Variants in TCF20 observed in about 807,000 individuals in gnomAD.
The protein encoded by TCF20 is transcription factor 20, also known as SPRE-binding protein.
In TCF20, 3 loss-of-function variants were observed where a neutral mutation model predicts 148.6. That is an observed-to-expected ratio of 0.02 (90% CI 0.01 to 0.05). TCF20 has a LOEUF of 0.05. Ranked by LOEUF, TCF20 falls within the 10% of genes least tolerant of loss-of-function variation. The probability of loss-of-function intolerance (pLI) is 1.00; values close to 1 mark genes in which losing one functional copy is unlikely to be tolerated. For synonymous variants in TCF20, 1,049 were observed against 909.5 expected (o/e 1.15, Z -2.76); for missense variants, 2,350 against 2,429.3 (o/e 0.97, Z 0.69).
chr22:42,277,039 A>G (rs1353691570), intron 1 of TCF20: 1 of 152,178 alleles, frequency 6.6e-6, no homozygotes, highest in Non-Finnish European at 1.5e-5. Context: ...CTGGAATACA[A>G]TGCTCTATCT....
chr22:42,201,089 C>T (rs1438125457), intron 2 of TCF20, among the ~76,000 whole-genome samples: 2 of 152,152 alleles, frequency 1.3e-5, no homozygotes, highest in Non-Finnish European at 2.9e-5. Context: ...AAGTGTGCAA[C>T]ACCTCGCACC....
intron 3 of TCF20, among the ~76,000 whole-genome samples, chr22:42,175,372 C>T (rs1056369863): frequency 2.6e-5 from 4 of 152,072 alleles, no homozygotes; most frequent in South Asian, 2.1e-4. Flanking sequence ...GACAGAGTCT[C>T]GCTCTGTTGC....
At chr22:42,233,839 C>T (rs1219045217) in intron 1 of TCF20, among the ~76,000 whole-genome samples, 4 of 152,184 alleles carry the variant, frequency 2.6e-5, no homozygotes, top group Admixed American at 6.5e-5. Flanking sequence ...TAAGGAAAGG[C>T]AGGTTAATTT....
At chr22:42,341,781 G>C (rs953948443) in intron 1 of TCF20, among the ~76,000 whole-genome samples, 1 of 151,318 alleles carries the variant, frequency 6.6e-6, no homozygotes, top group Non-Finnish European at 1.5e-5. Flanking sequence ...CGGGGTGGGC[G>C]GGGGGGGCAA....
chr22:42,259,999 A>G (rs1353884447), intron 1 of TCF20, among the ~76,000 whole-genome samples: 1 of 152,228 alleles, frequency 6.6e-6, no homozygotes, highest in Non-Finnish European at 1.5e-5. Context: ...GAATAAATTC[A>G]GACTATGATA....
In TCF20 at chr22:42,212,975, C is replaced by A. The variant is rs749365005; in HGVS notation, c.2331G>T (p.Gly777=). Residue 777 remains glycine, a synonymous_variant, in exon 2 of 6, where the codon GGG becomes GGT. Transcript: ENST00000677622. ...TGGTTCCTTCTAGGCTACCAGCCATCCCCTGATGCTCTTGAGTACTCCTAG... is the reference window on the plus strand; with the variant it reads ...TGGTTCCTTCTAGGCTACCAGCCATACCCTGATGCTCTTGAGTACTCCTAG... ...RYSRSTQEHQ[G]MAGSLEGTTR... 6 of 1,614,028 alleles carry A rather than the reference C, an allele frequency of 3.7e-6. No individual in the cohort carries two copies. In the South Asian group the frequency reaches 5.5e-5, roughly 15 times the overall value.
At chr22:42,296,038 G>A (rs1927231047) in intron 1 of TCF20, among the ~76,000 whole-genome samples, 1 of 152,184 alleles carries the variant, frequency 6.6e-6, no homozygotes, top group Admixed American at 6.5e-5. Flanking sequence ...AGCTATAGAT[G>A]GATCTGTTTC....
At position 42,243,292 on chromosome 22, in the gene TCF20, C is replaced by CAAAAAAAAAAAAAAAAAAAAAAAAAAA. The variant is rs3045578; in HGVS notation, c.-37+27020_-37+27046dup. Among the ~76,000 whole-genome samples the CAAAAAAAAAAAAAAAAAAAAAAAAAAA allele has an allele frequency of 5.1e-5, 2 of 39,502 alleles. 1 individual carries two copies. The allele number at this position is 39,502 out of a possible 152,430, so 25.9% of individuals were successfully genotyped here. On this transcript the variant is annotated intron_variant, in intron 1 of 5. Coordinates refer to ENST00000677622, the MANE Select transcript of TCF20 (RefSeq NM_001378418.1). ...TGGCTGGCAGAGCAAGACACTGTCT[C>CAAAAAAAAAAAAAAAAAAAAAAAAAAA]AAAAAAAAAAAAAAAAAAAAAAAAA...
chr22:42,323,255 A>T (rs1927768121), intron 1 of TCF20, among the ~76,000 whole-genome samples: 1 of 151,642 alleles, frequency 6.6e-6, no homozygotes, highest in African/African-American at 2.4e-5. Context: ...CCCACTGGAT[A>T]ACCCACTCCA....
At chr22:42,242,524 C>T (rs1432256603) in intron 1 of TCF20, among the ~76,000 whole-genome samples, 1 of 152,072 alleles carries the variant, frequency 6.6e-6, no homozygotes, top group Admixed American at 6.6e-5. Flanking sequence ...TATAGACGAA[C>T]TTACAACACT....
chr22:42,273,510 G>A (rs1926699024), upstream of TCF20, among the ~76,000 whole-genome samples: 1 of 151,938 alleles, frequency 6.6e-6, no homozygotes, highest in African/African-American at 2.4e-5. Flanking sequence ...ACAGTGGCAG[G>A]CACTCAATAA....
At chr22:42,225,458 CA>C (rs1922794050) in intron 1 of TCF20, among the ~76,000 whole-genome samples, 1 of 150,130 alleles carries the variant, frequency 6.7e-6, no homozygotes, top group South Asian at 2.1e-4. Flanking sequence ...ACTAAAAATA[CA>C]AAAAATTAGC....
Position 42,258,044 on chromosome 22 carries a change from A to T in TCF20, c.-37+12295T>A, listed in dbSNP as rs543655683. ...GGGGAACAGTGGAATTGCCAGACAC[A>T]AGGCACAAAAAGTTGTGTCCAAATC... is the stretch of plus-strand genomic sequence containing the variant. On this transcript the variant is annotated intron_variant, in intron 1 of 5. Transcript: ENST00000677622. Among the ~76,000 whole-genome samples, 12 of 152,366 alleles carry T rather than the reference A, an allele frequency of 7.9e-5. No homozygotes were observed. The South Asian group carries it at 1.7e-3, about 21-fold the overall frequency.
intron 1 of TCF20, among the ~76,000 whole-genome samples, chr22:42,255,490 ACAAC>A (rs747814853): frequency 6.7e-6 from 1 of 148,940 alleles, no homozygotes; most frequent in Admixed American, 6.7e-5. Flanking sequence ...TTCATCTCAA[ACAAC>A]AACAACAACA....
At chr22:42,310,977 C>T (rs1343193104) in intron 1 of TCF20, among the ~76,000 whole-genome samples, 1 of 152,242 alleles carries the variant, frequency 6.6e-6, no homozygotes, top group African/African-American at 2.4e-5. Context: ...GACACTGGCT[C>T]ATCAATACCC....
intron 1 of TCF20, among the ~76,000 whole-genome samples, chr22:42,235,612 T>TTTC (rs1418945464): frequency 1.3e-5 from 2 of 152,348 alleles, no homozygotes; most frequent in African/African-American, 4.8e-5. Context: ...TTAAATTTGT[T>TTTC]TTCTATTGAT....
At chr22:42,166,524 G>T (rs1434987353) in intron 5 of TCF20, among the ~76,000 whole-genome samples, 1 of 151,034 alleles carries the variant, frequency 6.6e-6, no homozygotes, top group Non-Finnish European at 1.5e-5. Flanking sequence ...CGGGAGAATC[G>T]CCTGAACCCC....
In TCF20 at chr22:42,216,079, C is replaced by CTTTTTTTTTTTTTTTTTTTTTTTTT. The variant is rs759118027; in HGVS notation, c.-36-763_-36-739dup. Among the ~76,000 whole-genome samples, 17 of 50,572 alleles carry CTTTTTTTTTTTTTTTTTTTTTTTTT rather than the reference C, an allele frequency of 3.4e-4. 3 individuals carry two copies. Among genetic ancestry groups the CTTTTTTTTTTTTTTTTTTTTTTTTT allele is most frequent in the Non-Finnish European group, 4.2e-4 (12 of 28,388 alleles). The allele number at this position is 50,572 out of a possible 152,430, so 33.2% of individuals were successfully genotyped here. On this transcript the variant is annotated intron_variant, in intron 1 of 5. Coordinates refer to ENST00000677622, the MANE Select transcript of TCF20 (RefSeq NM_001378418.1). ...GGTGTGGGGTAAGAAAAACCAAATC[C>CTTTTTTTTTTTTTTTTTTTTTTTTT]TTTTTTTTTTTTTTTTTTTTTTTTT...
intron 1 of TCF20, among the ~76,000 whole-genome samples, chr22:42,283,785 A>G (rs1419808007): frequency 6.6e-6 from 1 of 151,904 alleles, no homozygotes; most frequent in Non-Finnish European, 1.5e-5. Context: ...ACGCCAGAGC[A>G]AACTTTCACG....
Sources: gnomAD v4.1 joint callset for allele counts (sites outside exome capture counted in the v4.1 genomes callset) on GRCh38, gnomAD v4.1.1 for gene constraint, MANE v1.5 for transcripts, NCBI Gene and HGNC (gene_info 2026-07-23, HGNC 2026-07-21) for gene names.